ANKUB1: variants seen among roughly 807,000 people sequenced by gnomAD.
ANKUB1 encodes ankyrin repeat and ubiquitin domain containing 1.
ANKUB1 carries 42 observed loss-of-function variants against 49.3 expected under a neutral mutation model. The observed-to-expected ratio is 0.85, with a 90% confidence interval of 0.67 to 1.10. The LOEUF (loss-of-function observed/expected upper bound fraction) is 1.10. ANKUB1 is among the 50% of genes least tolerant of loss of function. The pLI, the probability that ANKUB1 is intolerant of heterozygous loss-of-function variation, is 0.00. For missense variants in ANKUB1, 613 were observed against 642.0 expected (o/e 0.95, Z 0.49); for synonymous variants, 222 against 231.0 (o/e 0.96, Z 0.35).
chr3:149,773,119 C>T (rs550368705), intron 3 of ANKUB1, among the ~76,000 whole-genome samples: 6 of 152,126 alleles, frequency 3.9e-5, no homozygotes, highest in Non-Finnish European at 7.4e-5. Flanking sequence ...TAGAGAGTCT[C>T]CCCCTTTCAG....
chr3:149,771,348 C>T (rs1383075847), intron 3 of ANKUB1, among the ~76,000 whole-genome samples: 2 of 152,198 alleles, frequency 1.3e-5, no homozygotes, highest in African/African-American at 4.8e-5. Context: ...ACCAACCTAG[C>T]TCACTTACCT....
At chr3:149,762,725 C>A (rs539447748) in intron 5 of ANKUB1, among the ~76,000 whole-genome samples, 1 of 152,284 alleles carries the variant, frequency 6.6e-6, no homozygotes, top group South Asian at 2.1e-4. Context: ...TATGAGCTTC[C>A]CACCTACCTC....
intron 2 of ANKUB1, among the ~76,000 whole-genome samples, chr3:149,790,251 C>T (rs970430215): frequency 6.6e-6 from 1 of 152,036 alleles, no homozygotes; most frequent in African/African-American, 2.4e-5. Context: ...TCTTAAAGCC[C>T]AACCGTGCAT....
intron 3 of ANKUB1, among the ~76,000 whole-genome samples, chr3:149,771,155 A>G (rs904325781): frequency 7.9e-5 from 12 of 152,258 alleles, no homozygotes; most frequent in Non-Finnish European, 1.3e-4. Context: ...CGTTACAAAC[A>G]TTAAAGTAAT....
intron 3 of ANKUB1, among the ~76,000 whole-genome samples, chr3:149,776,200 C>T (rs1034220900): frequency 1.3e-5 from 2 of 152,170 alleles, no homozygotes; most frequent in African/African-American, 2.4e-5. Flanking sequence ...TGGACTTTTA[C>T]CAGCATCTTG....
intron 2 of ANKUB1, chr3:149,783,094 T>TA (rs1445331655): frequency 6.6e-6 from 1 of 152,206 alleles, no homozygotes; most frequent in Non-Finnish European, 1.5e-5. Context: ...CACCTTTGTA[T>TA]AAACCTTGTT....
At chr3:149,778,657 A>T (rs1717714552) in intron 3 of ANKUB1, 1 of 152,202 alleles carries the variant, frequency 6.6e-6, no homozygotes, top group Non-Finnish European at 1.5e-5. Flanking sequence ...CGTGCAGAGC[A>T]GGTATGTGCA....
At chr3:149,770,318 T>C (rs1205909311) in intron 4 of ANKUB1, among the ~76,000 whole-genome samples, 3 of 152,144 alleles carry the variant, frequency 2.0e-5, no homozygotes, top group Non-Finnish European at 4.4e-5. Context: ...AAAGGTTAAT[T>C]GTAGTTAGTA....
In ANKUB1 at chr3:149,790,911, A is replaced by T. The variant is rs1718330551; in HGVS notation, c.104T>A (p.Ile35Asn). Residue 35 changes from isoleucine (I) to asparagine (N), a missense_variant, in exon 2 of 6, where the codon ATT becomes AAT. Transcript: ENST00000446160. ...VKLMIKDYFH[I>N]PLSEDKQGRR... Reference sequence around the variant, plus strand: ...GCCTTGTTTGTCTTCAGAGAGAGGAATGTGGAAATAATCCTTAAAAATCAA... The same window carrying T: ...GCCTTGTTTGTCTTCAGAGAGAGGATTGTGGAAATAATCCTTAAAAATCAA... 1.3e-6 allele frequency: 2 copies of T among 1,551,494 alleles called. No homozygotes were observed. Among genetic ancestry groups the T allele is most frequent in the Non-Finnish European group, 1.7e-6 (2 of 1,146,916 alleles).
intron 2 of ANKUB1, among the ~76,000 whole-genome samples, chr3:149,785,432 C>T (rs1422138787): frequency 5.9e-5 from 9 of 151,924 alleles, no homozygotes; most frequent in African/African-American, 1.4e-4. Flanking sequence ...CACGACAGGC[C>T]GCAGTGTGTG....
intron 3 of ANKUB1, among the ~76,000 whole-genome samples, chr3:149,773,700 T>C (rs965319613): frequency 1.3e-4 from 20 of 152,344 alleles, no homozygotes; most frequent in African/African-American, 4.6e-4. Context: ...AAATGATCTA[T>C]GTTTTTAGTT....
chr3:149,791,951 G>A (rs1718377202), intron 1 of ANKUB1, among the ~76,000 whole-genome samples: 1 of 152,098 alleles, frequency 6.6e-6, no homozygotes, highest in African/African-American at 2.4e-5. Context: ...ATAGCCTGAA[G>A]TTGGTGTCTT....
At position 149,780,382 on chromosome 3, in the gene ANKUB1, G is replaced by A. The variant is rs1717807191; in HGVS notation, c.308C>T (p.Ser103Phe). 2 of 1,552,044 alleles carry A rather than the reference G, an allele frequency of 1.3e-6. No homozygotes were observed. Among genetic ancestry groups the A allele is most frequent in the Admixed American group, 2.0e-5 (1 of 50,984 alleles). Residue 103 changes from serine (S) to phenylalanine (F), a missense_variant, in exon 3 of 6, where the codon TCC becomes TTC. Physicochemically the swap from Ser to Phe is radical, Grantham distance 155. Coordinates refer to ENST00000446160, the MANE Select transcript of ANKUB1 (RefSeq NM_001144960.3). ...QDTMPVMESI[S>F]LLDKTVSDLR... ...ATCAGACACTGTTTTATCAAGAAGG[G>A]AAATGCTCTCCATTACTGGCATTGT...
At chr3:149,781,843 G>T (rs1219803975) in intron 2 of ANKUB1, among the ~76,000 whole-genome samples, 1 of 152,132 alleles carries the variant, frequency 6.6e-6, no homozygotes, top group African/African-American at 2.4e-5. Flanking sequence ...TCCCTCTGTG[G>T]CTGTGCATGA....
At chr3:149,765,284 A>T (rs1259241741) in intron 5 of ANKUB1, among the ~76,000 whole-genome samples, 1 of 152,174 alleles carries the variant, frequency 6.6e-6, no homozygotes, top group East Asian at 1.9e-4. Context: ...TCGGTGATAG[A>T]GATGAGAATA....
intron 2 of ANKUB1, among the ~76,000 whole-genome samples, chr3:149,781,278 C>T (rs1282533415): frequency 6.6e-6 from 1 of 152,230 alleles, no homozygotes; most frequent in East Asian, 1.9e-4. Flanking sequence ...ATTAATACTT[C>T]TGTTAACAAC....
intron 2 of ANKUB1, among the ~76,000 whole-genome samples, chr3:149,789,696 C>A (rs1402782368): frequency 6.7e-6 from 1 of 149,790 alleles, no homozygotes. Context: ...GTGGCTCGAG[C>A]TCAGCTCACT....
intron 5 of ANKUB1, 148 bp from the exon 6 acceptor site, chr3:149,761,761 T>A: frequency 1.1e-6 from 1 of 903,180 alleles, no homozygotes; most frequent in Non-Finnish European, 1.6e-6. Flanking sequence ...ACAGTAATCT[T>A]TCTAAAACAA....
intron 2 of ANKUB1, 67 bp downstream of exon 2, chr3:149,790,714 G>T: frequency 7.0e-7 from 1 of 1,436,546 alleles, no homozygotes; most frequent in South Asian, 1.4e-5. Context: ...TACTTTGGTT[G>T]ACTTATCCCC....
Sources: gnomAD v4.1 joint callset for allele counts (sites outside exome capture counted in the v4.1 genomes callset) on GRCh38, gnomAD v4.1.1 for gene constraint, MANE v1.5 for transcripts, NCBI Gene and HGNC (gene_info 2026-07-23, HGNC 2026-07-21) for gene names.